Variants in BACC1 observed in about 807,000 individuals in gnomAD.
BACC1 encodes the protein BPTF associated chromatin complex component 1.
chr17:7,017,064 CTCA>C, the BACC1 span: 1 of 1,568,484 alleles, frequency 6.4e-7, no homozygotes, highest in African/African-American at 1.4e-5. Flanking sequence ...GGAGAAAGGG[CTCA>C]CCTGGATGGC....
the BACC1 span, chr17:7,015,034 G>GC: frequency 6.8e-7 from 1 of 1,465,080 alleles, no homozygotes; most frequent in Admixed American, 2.8e-5. Context: ...GCGGGCGCCG[G>GC]CCCCCCGTGA....
the BACC1 span, chr17:7,017,101 C>G: frequency 6.5e-7 from 1 of 1,530,114 alleles, no homozygotes; most frequent in Non-Finnish European, 9.0e-7. Context: ...CGCAGGGGCC[C>G]CTCCCTTGTA....
At chr17:7,015,729 A>C in the BACC1 span, 2 of 1,550,466 alleles carry the variant, frequency 1.3e-6, no homozygotes, top group East Asian at 2.3e-5. Context: ...CGGGCTCCAC[A>C]CCCCCCCTCC....
chr17:7,015,912 C>A, the BACC1 span: 6 of 1,556,402 alleles, frequency 3.9e-6, no homozygotes, highest in Admixed American at 1.0e-4. Context: ...GGCGGGTGGG[C>A]AGCCTTCTTC....
the BACC1 span, chr17:7,017,200 C>T: frequency 6.2e-7 from 1 of 1,612,790 alleles, no homozygotes; most frequent in Non-Finnish European, 8.5e-7. Context: ...GTGGGAGTGG[C>T]CTTGGAAGCA....
At chr17:7,017,069 C>G in the BACC1 span, 1 of 1,563,598 alleles carries the variant, frequency 6.4e-7, no homozygotes, top group African/African-American at 1.4e-5. Flanking sequence ...AAGGGCTCAC[C>G]TGGATGGCAG....
the BACC1 span, chr17:7,014,830 G>A: frequency 6.5e-7 from 1 of 1,528,332 alleles, no homozygotes; most frequent in Non-Finnish European, 8.8e-7. The surrounding 1 kb of genome is among the most constrained non-coding windows in gnomAD (Gnocchi z 4.5). Flanking sequence ...GGCGGCGGCG[G>A]CGTCTCCGTG....
chr17:7,014,821 G>A, the BACC1 span: 3 of 1,526,792 alleles, frequency 2.0e-6, no homozygotes, highest in Non-Finnish European at 2.6e-6. This position sits in a 1 kb window ranked among gnomAD's most constrained non-coding sequence, Gnocchi z 4.5. Context: ...GCGTGTAGCG[G>A]CGGCGGCGGC....
the BACC1 span, chr17:7,016,633 C>A: frequency 6.2e-7 from 1 of 1,614,120 alleles, no homozygotes; most frequent in South Asian, 1.1e-5. Flanking sequence ...CTCCTCCCAG[C>A]AGCTCCAGTG....
chr17:7,015,996 T>A, the BACC1 span: 15 of 767,892 alleles, frequency 2.0e-5, no homozygotes, highest in Non-Finnish European at 3.2e-5. Flanking sequence ...TCACTAGTTT[T>A]TTAGAATCCC....
At chr17:7,017,190 G>A in the BACC1 span, 1 of 1,607,860 alleles carries the variant, frequency 6.2e-7, no homozygotes, top group South Asian at 1.1e-5. Flanking sequence ...TTTCAGGGAG[G>A]TGGGAGTGGC....
the BACC1 span, chr17:7,015,158 T>C: frequency 6.4e-7 from 1 of 1,569,072 alleles, no homozygotes; most frequent in African/African-American, 1.4e-5. Flanking sequence ...TCCTGCGGGG[T>C]ACGTGAGCCC....
At chr17:7,016,300 T>C in the BACC1 span, 1 of 606,716 alleles carries the variant, frequency 1.6e-6, no homozygotes, top group South Asian at 2.1e-5. Context: ...ACTACTCAGT[T>C]CAGGGACTCC....
At chr17:7,016,380 G>T in the BACC1 span, 1 of 1,192,662 alleles carries the variant, frequency 8.4e-7, no homozygotes, top group Non-Finnish European at 1.2e-6. Flanking sequence ...CCAATGGGTT[G>T]GGGCCCCGAC....
the BACC1 span, chr17:7,016,258 C>G: frequency 5.4e-6 from 3 of 553,878 alleles, no homozygotes; most frequent in Non-Finnish European, 9.5e-6. Context: ...TGATGTCTCT[C>G]CCAGAAGAGA....
At chr17:7,015,379 C>T in the BACC1 span, 7 of 1,372,940 alleles carry the variant, frequency 5.1e-6, no homozygotes, top group East Asian at 1.4e-4. Flanking sequence ...CTCCCTGCTG[C>T]GAACGGGTCG....
At chr17:7,014,800 G>T in the BACC1 span, 1 of 1,521,534 alleles carries the variant, frequency 6.6e-7, no homozygotes, top group Non-Finnish European at 8.8e-7. The surrounding 1 kb of genome is among the most constrained non-coding windows in gnomAD (Gnocchi z 4.5). Context: ...TGCTCTCCGT[G>T]GTCCCGGCTC....
the BACC1 span, chr17:7,016,304 G>A: frequency 1.6e-6 from 1 of 611,498 alleles, no homozygotes; most frequent in Non-Finnish European, 2.8e-6. Context: ...CTCAGTTCAG[G>A]GACTCCACTC....
chr17:7,017,272 A>T, the BACC1 span: 5 of 1,613,780 alleles, frequency 3.1e-6, no homozygotes, highest in Admixed American at 1.7e-5. Context: ...CTGACCCTGG[A>T]TTCTGGCCTT....
Sources: gnomAD v4.1 joint callset for allele counts on GRCh38, gnomAD v4.1.1 for gene constraint, Gnocchi (gnomAD v3.1) non-coding constraint, MANE v1.5 for transcripts, NCBI Gene and HGNC (gene_info 2026-07-23, HGNC 2026-07-21) for gene names.